LARGE1: variants seen among roughly 807,000 people sequenced by gnomAD.
LARGE1 encodes the protein LARGE xylosyl- and glucuronyltransferase 1.
A neutral mutation model predicts 87.6 loss-of-function variants in LARGE1; 43 were observed. The observed-to-expected ratio is 0.49, with a 90% CI of 0.38 to 0.63. The LOEUF (loss-of-function observed/expected upper bound fraction) is 0.63, where lower values mean the gene tolerates loss of function less well. Among genes scored for constraint, LARGE1 ranks in the 30% least tolerant of loss-of-function variants. The pLI, the probability that LARGE1 is intolerant of heterozygous loss-of-function variation, is 0.00. For missense variants in LARGE1, 802 were observed against 1,000.2 expected (o/e 0.80, Z 2.67); for synonymous variants, 434 against 394.6 (o/e 1.10, Z -1.18).
intron 7 of LARGE1, among the ~76,000 whole-genome samples, chr22:33,389,849 A>T (rs1407774450): frequency 2.1e-5 from 1 of 47,434 alleles, no homozygotes; most frequent in East Asian, 2.8e-4. Context: ...AGTCTCAAAA[A>T]CCAACCAACC....
chr22:33,203,483 G>C (rs1486731918), intron 11 of LARGE1, among the ~76,000 whole-genome samples: 1 of 152,150 alleles, frequency 6.6e-6, no homozygotes, highest in Non-Finnish European at 1.5e-5. Flanking sequence ...ATAGTGCTTA[G>C]TCGATTCCCA....
At chr22:33,432,085 C>G (rs773415782) in intron 7 of LARGE1, 76 bp downstream of exon 7, 29 of 1,218,948 alleles carry the variant, frequency 2.4e-5, no homozygotes, top group Non-Finnish European at 3.0e-5. Context: ...CTTTTGCAAT[C>G]TCCTCTCCTG....
At chr22:33,269,371 C>T (rs1287371114), downstream of LARGE1, among the ~76,000 whole-genome samples, 2 of 152,312 alleles carry the variant, frequency 1.3e-5, no homozygotes, top group East Asian at 1.9e-4. Context: ...TACTTTTCTG[C>T]TGTCTAATGA....
chr22:33,610,724 T>C (rs1284215291), intron 4 of LARGE1, among the ~76,000 whole-genome samples: 2 of 151,946 alleles, frequency 1.3e-5, no homozygotes, highest in Non-Finnish European at 2.9e-5. Flanking sequence ...GCCAAGACAA[T>C]GGGAAAAAGG....
At chr22:33,106,553 T>C in the LARGE1 span, among the ~76,000 whole-genome samples, 3 of 152,050 alleles carry the variant, frequency 2.0e-5, no homozygotes, top group Non-Finnish European at 2.9e-5. Flanking sequence ...TGGAGTGCAG[T>C]GGCACGATCT....
chr22:33,087,554 G>A, the LARGE1 span, among the ~76,000 whole-genome samples: 1 of 152,194 alleles, frequency 6.6e-6, no homozygotes, highest in Admixed American at 6.5e-5. Context: ...CTAAAGTGAG[G>A]TAGAGTTCAA....
chr22:33,538,907 T>C, intron 6 of LARGE1, among the ~76,000 whole-genome samples: 1 of 152,240 alleles, frequency 6.6e-6, no homozygotes, highest in East Asian at 1.9e-4. Flanking sequence ...TCCAGTCCAG[T>C]GTTTTTGAAA....
intron 6 of LARGE1, among the ~76,000 whole-genome samples, chr22:33,503,716 T>A (rs2070621012): frequency 2.6e-5 from 4 of 151,430 alleles, no homozygotes; most frequent in Admixed American, 2.6e-4. Context: ...GGAAAATTGC[T>A]TGAACCCGGG....
At chr22:33,815,843 G>C (rs778736343) in intron 1 of LARGE1, among the ~76,000 whole-genome samples, 7 of 152,144 alleles carry the variant, frequency 4.6e-5, no homozygotes, top group Non-Finnish European at 1.0e-4. Context: ...GAACCAGAAA[G>C]GGTTTGTGGG....
chr22:33,743,294 G>A (rs186245344), intron 2 of LARGE1: 7 of 152,234 alleles, frequency 4.6e-5, no homozygotes, highest in East Asian at 3.9e-4. Context: ...AGGTAGGAGC[G>A]TGTTGGAAGT....
chr22:33,316,298 G>A, intron 10 of LARGE1, 50 bp from the exon 11 acceptor site: 1 of 1,594,850 alleles, frequency 6.3e-7, no homozygotes, highest in Non-Finnish European at 8.5e-7. Flanking sequence ...GGTCCGAGGG[G>A]GCCCATGAGC....
intron 7 of LARGE1, among the ~76,000 whole-genome samples, chr22:33,419,855 A>G (rs1208469807): frequency 6.6e-6 from 1 of 151,962 alleles, no homozygotes; most frequent in African/African-American, 2.4e-5. Context: ...CATCACACCC[A>G]GCTAATTTTT....
downstream of LARGE1, among the ~76,000 whole-genome samples, chr22:33,157,512 A>G (rs1921909228): frequency 6.6e-6 from 1 of 152,118 alleles, no homozygotes; most frequent in African/African-American, 2.4e-5. Context: ...GCTCTAACTA[A>G]ACTGCCTGTT....
chr22:33,310,833 A>G (rs1430815870), intron 11 of LARGE1, among the ~76,000 whole-genome samples: 1 of 152,062 alleles, frequency 6.6e-6, no homozygotes, highest in Non-Finnish European at 1.5e-5. Flanking sequence ...CTCTTGAGAT[A>G]CTGTCCTGAT....
At chr22:33,831,166 C>T (rs191593960) in intron 1 of LARGE1, among the ~76,000 whole-genome samples, 173 of 146,504 alleles carry the variant, frequency 1.2e-3, no homozygotes, top group Non-Finnish European at 1.8e-3. Context: ...GGCACGATCT[C>T]GGTTCCTGGC....
chr22:33,875,302 G>A (rs1019347158), intron 1 of LARGE1, among the ~76,000 whole-genome samples: 1 of 152,300 alleles, frequency 6.6e-6, no homozygotes, highest in South Asian at 2.1e-4. Flanking sequence ...AGCTTTATGG[G>A]TCAAGCTGCA....
chr22:33,322,223 T>C (rs1003218516), intron 10 of LARGE1, among the ~76,000 whole-genome samples: 1 of 152,216 alleles, frequency 6.6e-6, no homozygotes, highest in South Asian at 2.1e-4. Context: ...AGCATCCATA[T>C]GGTGAGCTCC....
At chr22:33,184,182 CT>C (rs1236237669) in intron 11 of LARGE1, among the ~76,000 whole-genome samples, 1 of 147,360 alleles carries the variant, frequency 6.8e-6, no homozygotes, top group East Asian at 1.9e-4. Context: ...AAAATTGAAA[CT>C]GTGTTGAGAG....
In LARGE1 at chr22:33,364,085, C is replaced by T. The variant is rs369013198; in HGVS notation, c.1131+17834G>A. Among the ~76,000 whole-genome samples the T allele has an allele frequency of 7.3e-5, 11 of 150,290 alleles. 1 individual carries two copies. In the South Asian group the frequency reaches 1.1e-3, roughly 15 times the overall value. ...TTTTTTTTTTTTTGAGACGGAGTCT[C>T]GCTCTGTCGCCCAGGCTGGAGTGCA... On this transcript the variant is annotated intron_variant, in intron 9 of 14. Coordinates refer to ENST00000397394, the MANE Select transcript of LARGE1 (RefSeq NM_133642.5).
Sources: gnomAD v4.1 joint callset for allele counts (sites outside exome capture counted in the v4.1 genomes callset) on GRCh38, gnomAD v4.1.1 for gene constraint, MANE v1.5 for transcripts, NCBI Gene and HGNC (gene_info 2026-07-23, HGNC 2026-07-21) for gene names.